The following KLF13 variants were observed in gnomAD, a reference collection of about 807,000 sequenced individuals.
The protein encoded by KLF13 is KLF transcription factor 13, also known as Krueppel-like factor 13.
A neutral mutation model predicts 16.7 loss-of-function variants in KLF13; 8 were observed. That is an observed-to-expected ratio of 0.48 (90% CI 0.28 to 0.87). The LOEUF (loss-of-function observed/expected upper bound fraction) is 0.87, where lower values mean the gene tolerates loss of function less well. Among genes scored for constraint, KLF13 ranks in the 40% least tolerant of loss-of-function variants. KLF13 has a pLI of 0.10. For missense variants in KLF13, 447 were observed against 452.2 expected, an observed-to-expected ratio of 0.99 and a Z score of 0.10; for synonymous variants, 245 against 208.4, an observed-to-expected ratio of 1.18 and a Z score of -1.51.
chr15:31,366,925 T>C (rs2039483154), intron 1 of KLF13, among the ~76,000 whole-genome samples: 1 of 152,238 alleles, frequency 6.6e-6, no homozygotes, highest in African/African-American at 2.4e-5. Flanking sequence ...AAGAGTACAG[T>C]AGGCTATTGC....
At chr15:31,328,138 G>C (rs1595446388) in intron 1 of KLF13, among the ~76,000 whole-genome samples, 1 of 149,692 alleles carries the variant, frequency 6.7e-6, no homozygotes, top group East Asian at 2.0e-4. Flanking sequence ...GGCGGCCTGG[G>C]TGTGGACCGC....
chr15:31,414,978 A>G (rs2040238384), intron 1 of KLF13, among the ~76,000 whole-genome samples: 1 of 152,230 alleles, frequency 6.6e-6, no homozygotes, highest in Admixed American at 6.5e-5. Context: ...TATATCCTTC[A>G]TGAATGTCTT....
chr15:31,398,792 C>G (rs1349649130), intron 2 of KLF13, among the ~76,000 whole-genome samples: 1 of 152,166 alleles, frequency 6.6e-6, no homozygotes, highest in Non-Finnish European at 1.5e-5. Flanking sequence ...CTCCCTCTCC[C>G]CCAGGGCAGC....
At position 31,371,277 on chromosome 15, in the gene KLF13, C is replaced by G. The variant is rs532264283; in HGVS notation, c.578-733C>G. Among the ~76,000 whole-genome samples, 10 of 152,314 alleles carry G rather than the reference C, an allele frequency of 6.6e-5. No individual in the cohort carries two copies. In the South Asian group the frequency reaches 2.1e-3, roughly 32 times the overall value. ...GACCGTAGCCAACCTTCATTACCTC[C>G]CACCCCACTGTGTTCTGCCTCCTCC... is the stretch of plus-strand genomic sequence containing the variant. On this transcript the variant is annotated intron_variant, in intron 1 of 1. Coordinates refer to ENST00000307145, the MANE Select transcript of KLF13 (RefSeq NM_015995.4).
chr15:31,429,359 G>A (rs1401503922), intron 1 of KLF13, among the ~76,000 whole-genome samples: 1 of 152,162 alleles, frequency 6.6e-6, no homozygotes, highest in Non-Finnish European at 1.5e-5. Context: ...GCCCGATTCC[G>A]CTTACATATG....
At chr15:31,397,814 G>T (rs979071395) in intron 2 of KLF13, among the ~76,000 whole-genome samples, 1 of 149,784 alleles carries the variant, frequency 6.7e-6, no homozygotes, top group Non-Finnish European at 1.5e-5. Context: ...ACGTGGAGGG[G>T]GTCAGAGTTA....
Position 31,357,795 on chromosome 15 carries a change from C to A in KLF13, c.578-14215C>A, listed in dbSNP as rs377015380. On this transcript the variant is annotated intron_variant, in intron 1 of 1. Coordinates refer to ENST00000307145, the MANE Select transcript of KLF13 (RefSeq NM_015995.4). ...AGCTGCTTTATCTGATGTTCAGGTGCCCCCCACCAACTGCACCCCCACCCC... is the reference window on the plus strand; with the variant it reads ...AGCTGCTTTATCTGATGTTCAGGTGACCCCCACCAACTGCACCCCCACCCC... 1.2e-4 allele frequency among the ~76,000 whole-genome samples: 19 copies of A among 152,224 alleles called. No individual in the cohort carries two copies. The East Asian group carries it at 3.5e-3, about 28-fold the overall frequency.
upstream of KLF13, among the ~76,000 whole-genome samples, chr15:31,391,685 GGGGGGCTGTGT>G (rs1388185501): frequency 6.0e-5 from 9 of 150,466 alleles, no homozygotes; most frequent in African/African-American, 2.2e-4. Flanking sequence ...GTGCACTGTT[GGGGGGCTGTGT>G]GGGGGCTCTG....
At chr15:31,345,463 T>C (rs28624578) in intron 1 of KLF13, among the ~76,000 whole-genome samples, 18,585 of 152,236 alleles carry the variant, frequency 0.12, 1,460 homozygotes, top group Middle Eastern at 0.18. Flanking sequence ...TGGAGAGCAC[T>C]GGGGTGCGGG....
chr15:31,400,147 C>G (rs4779525), intron 2 of KLF13, among the ~76,000 whole-genome samples: 34,603 of 152,214 alleles, frequency 0.23, 4,478 homozygotes, highest in East Asian at 0.44. Context: ...GTTCCACCCC[C>G]ACTCTGCTCT....
Position 31,327,543 on chromosome 15 carries a change from G to A in KLF13, c.331G>A (p.Glu111Lys), listed in dbSNP as rs1361004653. Residue 111 changes from glutamate to lysine, a missense_variant, in exon 1 of 2, where the codon GAA becomes AAA. Physicochemically the swap from Glu to Lys is moderately conservative, Grantham distance 56 (BLOSUM62 1). Transcript: ENST00000307145. Reference protein sequence around the residue: ...PAPEPTSPGAEGAAAAPPSPA... With the variant: ...PAPEPTSPGAKGAAAAPPSPA... The stretch of plus-strand genomic sequence containing the variant: ...CCCCGAGCCCACCTCCCCCGGCGCC[G>A]AAGGCGCGGCGGCCGCGCCCCCCAG... The A allele has an allele frequency of 1.8e-6, 2 of 1,104,404 alleles. No individual in the cohort carries two copies. The highest frequency in any genetic ancestry group is 2.2e-6 in the Non-Finnish European group (2 of 906,718). The allele number at this position is 1,104,404 out of a possible 1,614,324, so 68.4% of individuals were successfully genotyped here. A position where few individuals can be genotyped will look rare whatever the true frequency, so the allele number is the denominator to read the frequency against.
chr15:31,371,956 G>A (rs561451330), intron 1 of KLF13, 54 bp from the exon 2 acceptor site: 9 of 1,526,758 alleles, frequency 5.9e-6, no homozygotes, highest in Admixed American at 2.0e-5. Flanking sequence ...CCCCAGAGAG[G>A]GTGTGAAGGC....
At chr15:31,370,254 C>G (rs1044540607) in intron 1 of KLF13, among the ~76,000 whole-genome samples, 1 of 151,964 alleles carries the variant, frequency 6.6e-6, no homozygotes, top group African/African-American at 2.4e-5. Flanking sequence ...ACACACGGCC[C>G]CTGCTTCAGC....
At position 31,350,483 on chromosome 15, in the gene KLF13, C is replaced by G. The variant is rs116584298; in HGVS notation, c.578-21527C>G. Among the ~76,000 whole-genome samples the G allele has an allele frequency of 7.5e-3, 1,145 of 152,342 alleles. 20 individuals carry two copies. Among genetic ancestry groups the G allele is most frequent in the African/African-American group, 0.026 (1,088 of 41,578 alleles). ...TTCTGGGCAAGGATGCTCCACTTTGCTTCCGTCTTCACCAAACTCTTAAAA... is the reference window on the plus strand; with the variant it reads ...TTCTGGGCAAGGATGCTCCACTTTGGTTCCGTCTTCACCAAACTCTTAAAA... On this transcript the variant is annotated intron_variant, in intron 1 of 1. Transcript: ENST00000307145.
In KLF13 at chr15:31,360,398, C is replaced by T. The variant is rs147892913; in HGVS notation, c.578-11612C>T. 3.3e-3 allele frequency among the ~76,000 whole-genome samples: 503 copies of T among 152,342 alleles called. 3 individuals carry two copies. The highest frequency in any genetic ancestry group is 0.012 in the African/African-American group (480 of 41,578). ...TCAGGCCCTCTCCAACGCACTTAGG[C>T]TGCGACAAGCCTGAGCAGGATGTAG... On this transcript the variant is annotated intron_variant, in intron 1 of 1. Transcript: ENST00000307145.
chr15:31,407,390 G>T (rs543302819), downstream of KLF13, among the ~76,000 whole-genome samples: 2 of 152,154 alleles, frequency 1.3e-5, no homozygotes, highest in African/African-American at 4.8e-5. Context: ...ATAAGGGGAG[G>T]GGGTGGCACA....
At chr15:31,414,731 C>A (rs2040235647) in intron 1 of KLF13, among the ~76,000 whole-genome samples, 1 of 152,040 alleles carries the variant, frequency 6.6e-6, no homozygotes, top group African/African-American at 2.4e-5. Flanking sequence ...AAAAAACTGA[C>A]AGAAATGAAG....
downstream of KLF13, among the ~76,000 whole-genome samples, chr15:31,406,324 AAAATT>A (rs1417168978): frequency 6.6e-6 from 1 of 152,180 alleles, no homozygotes; most frequent in Non-Finnish European, 1.5e-5. Context: ...TAAAAATACA[AAAATT>A]AACCAGGTGA....
At chr15:31,423,806 C>T (rs1235475355) in intron 1 of KLF13, among the ~76,000 whole-genome samples, 1 of 152,000 alleles carries the variant, frequency 6.6e-6, no homozygotes, top group Non-Finnish European at 1.5e-5. Flanking sequence ...GAAATCATAC[C>T]AACTGTCTTT....
Sources: allele counts gnomAD v4.1 joint callset (sites outside exome capture counted in the v4.1 genomes callset), GRCh38; gene constraint gnomAD v4.1.1; transcripts MANE v1.5; gene names NCBI Gene and HGNC (gene_info 2026-07-23, HGNC 2026-07-21).